Variants in PHLDB3 observed in about 807,000 individuals in gnomAD.
PHLDB3 encodes the protein pleckstrin homology like domain family B member 3.
In PHLDB3, 86 loss-of-function variants were observed where a neutral mutation model predicts 85.7. The observed-to-expected ratio is 1.00, with a 90% CI of 0.84 to 1.20. The LOEUF (loss-of-function observed/expected upper bound fraction) is 1.20, where lower values mean the gene tolerates loss of function less well. PHLDB3 is among the 50% of genes most tolerant of loss of function. PHLDB3 has a pLI of 0.00. For missense variants in PHLDB3, 995 were observed against 873.0 expected (o/e 1.14, Z -1.76); for synonymous variants, 376 against 349.8 (o/e 1.07, Z -0.83).
intron 4 of PHLDB3, 170 bp downstream of exon 4, chr19:43,501,564 G>T: frequency 7.7e-7 from 1 of 1,303,090 alleles, no homozygotes; most frequent in Non-Finnish European, 1.0e-6. Flanking sequence ...ATCTCGCCCA[G>T]GGAGGGAGAA....
intron 13 of PHLDB3, among the ~76,000 whole-genome samples, chr19:43,481,887 G>A (rs2122476737): frequency 6.6e-6 from 1 of 152,074 alleles, no homozygotes; most frequent in African/African-American, 2.4e-5. Flanking sequence ...GTTGGAGACA[G>A]GAGAGTGAGG....
In PHLDB3 at chr19:43,475,469, C is replaced by T; in HGVS notation, c.1864G>A (p.Ala622Thr). The T allele has an allele frequency of 6.2e-7, 1 of 1,613,928 alleles. No individual in the cohort carries two copies. The highest frequency in any genetic ancestry group is 1.1e-5 in the South Asian group (1 of 91,082). ...LFYMVAPSPEAMRIWMDVIVT... is the reference protein window; with the variant it reads ...LFYMVAPSPETMRIWMDVIVT... ...ATGACGTCCATCCAAATGCGCATGG[C>T]TTCGGGGCTCGGAGCCACCATGTAG... The change falls in exon 16 of 16, where the codon GCC (alanine) becomes ACC (threonine). Residue 622 changes from alanine (A) to threonine (T), a missense_variant. Transcript: ENST00000292140.
In PHLDB3 at chr19:43,478,040, G is replaced by A; in HGVS notation, c.1788+7C>T. 1 of 1,606,486 alleles carries A rather than the reference G, an allele frequency of 6.2e-7. No individual in the cohort carries two copies. Among genetic ancestry groups the A allele is most frequent in the Non-Finnish European group, 8.5e-7 (1 of 1,173,488 alleles). Reference sequence around the variant, plus strand: ...TGGGAGGTCAGGGTGACATTGAGGGGCTTCACCTTGAAGGCACAGCGTAAG... The same window carrying A: ...TGGGAGGTCAGGGTGACATTGAGGGACTTCACCTTGAAGGCACAGCGTAAG... On this transcript the variant is annotated splice_region_variant and intron_variant, in intron 15 of 15. Transcript: ENST00000292140.
intron 14 of PHLDB3, among the ~76,000 whole-genome samples, chr19:43,478,874 C>T (rs1384572594): frequency 6.6e-6 from 1 of 152,102 alleles, no homozygotes; most frequent in Non-Finnish European, 1.5e-5. Flanking sequence ...GAGATCGCAC[C>T]ACTGCACTCC....
At position 43,495,501 on chromosome 19, in the gene PHLDB3, C is replaced by A; in HGVS notation, c.945G>T (p.Leu315=). Residue 315 remains leucine, a synonymous_variant, in exon 7 of 16, where the codon CTG becomes CTT. Coordinates refer to ENST00000292140, the MANE Select transcript of PHLDB3 (RefSeq NM_198850.4). The part of the protein sequence containing the change: ...SRKKEEALQA[L]SQERSRLLEL... ...CAGGTGACAGGTAGCTCACCTGTGA[C>A]AGGGCCTGAAGGGCCTCCTCCTTCT... 6.2e-7 allele frequency: 1 copy of A among 1,606,044 alleles called. No homozygotes were observed. Among genetic ancestry groups the A allele is most frequent in the Admixed American group, 1.7e-5 (1 of 58,790 alleles).
intron 9 of PHLDB3, among the ~76,000 whole-genome samples, chr19:43,487,331 T>C (rs892521503): frequency 1.3e-5 from 2 of 151,964 alleles, no homozygotes; most frequent in Non-Finnish European, 2.9e-5. Context: ...TCCCAGCACT[T>C]TGGGAGTCCA....
chr19:43,487,591 A>AGAAAAAAAAAAAAAAAAAAAAAAAAC (rs1555754934), intron 9 of PHLDB3, among the ~76,000 whole-genome samples: 1 of 115,770 alleles, frequency 8.6e-6, no homozygotes, highest in Non-Finnish European at 1.9e-5. Flanking sequence ...AAAAAAAAAA[A>AGAAAAAAAAAAAAAAAAAAAAAAAAC]ACACAGAAAA....
At chr19:43,483,814 A>G (rs934389064) in intron 13 of PHLDB3, among the ~76,000 whole-genome samples, 64 of 152,324 alleles carry the variant, frequency 4.2e-4, no homozygotes, top group African/African-American at 1.5e-3. Flanking sequence ...CTTTGCATAT[A>G]GATTCAAATA....
At chr19:43,498,374 AAGAG>A (rs969334434) in intron 4 of PHLDB3, among the ~76,000 whole-genome samples, 4 of 151,712 alleles carry the variant, frequency 2.6e-5, no homozygotes, top group African/African-American at 4.8e-5. Context: ...AAAAGAAAGA[AAGAG>A]AGAAAGAGGG....
rs765606013 is a variant in PHLDB3, at chr19:43,494,681, CAG to C, written c.1149+19_1149+20del. On this transcript the variant is annotated intron_variant, in intron 9 of 15. Transcript: ENST00000292140. ...CTGACCAATAAGATATATGGGGAAA[CAG>C]AGGCCGTGGGGGAGGCACCTGCAGG... 3.2e-6 allele frequency: 5 copies of C among 1,570,592 alleles called. No homozygotes were observed. Among genetic ancestry groups the C allele is most frequent in the Non-Finnish European group, 4.4e-6 (5 of 1,148,380 alleles).
At chr19:43,494,915 C>A (rs2145931637) in intron 8 of PHLDB3, 100 bp from the exon 9 acceptor site, 2 of 822,062 alleles carry the variant, frequency 2.4e-6, no homozygotes, top group East Asian at 2.7e-5. Context: ...CCACCCATTT[C>A]TCAGAAAGAA....
chr19:43,487,436 A>G (rs1015565362), intron 9 of PHLDB3, among the ~76,000 whole-genome samples: 4 of 151,804 alleles, frequency 2.6e-5, no homozygotes, highest in East Asian at 3.9e-4. Flanking sequence ...TTAGCCGGGC[A>G]TGGTGGCACG....
At chr19:43,499,815 C>G (rs1456463700) in intron 4 of PHLDB3, among the ~76,000 whole-genome samples, 1 of 151,854 alleles carries the variant, frequency 6.6e-6, no homozygotes, top group Non-Finnish European at 1.5e-5. Context: ...CTCCTGGGAG[C>G]TGCAACCTCC....
chr19:43,496,933 A>AAT, intron 6 of PHLDB3, 185 bp downstream of exon 6: 1 of 907,634 alleles, frequency 1.1e-6, no homozygotes, highest in East Asian at 3.3e-5. Flanking sequence ...TCAGTGAGGA[A>AAT]ATGCTCATGA....
chr19:43,486,738 G>A (rs1321951731), intron 11 of PHLDB3, 42 bp from the exon 12 acceptor site: 1 of 1,612,250 alleles, frequency 6.2e-7, no homozygotes, highest in South Asian at 1.1e-5. Flanking sequence ...ACAGTGGCTG[G>A]GCCTCTTCTT....
At chr19:43,488,247 G>A (rs1387036345) in intron 9 of PHLDB3, among the ~76,000 whole-genome samples, 1 of 151,986 alleles carries the variant, frequency 6.6e-6, no homozygotes, top group Non-Finnish European at 1.5e-5. Flanking sequence ...CTTGAGCCCA[G>A]GAGTTGGAGA....
rs918861509 is a variant in PHLDB3 at position 43,504,231 on chromosome 19, G to A, written c.-14-99C>T. 2.7e-6 allele frequency: 3 copies of A among 1,107,532 alleles called. No homozygotes were observed. In the African/African-American group the frequency reaches 4.8e-5, roughly 18 times the overall value. The allele number at this position is 1,107,532 out of a possible 1,614,324, so 68.6% of individuals were successfully genotyped here. ...GGGCGCGGAGACCCCCCCCCAAGGA[G>A]GCGGGGCCTAAGAGTTCAAAGGATG... On this transcript the variant is annotated intron_variant, in intron 1 of 15. Transcript: ENST00000292140.
Position 43,501,741 on chromosome 19 carries a change from C to A in PHLDB3, c.527G>T (p.Arg176Leu). ...CCGGTGAGCCAAACAGACCTGTTCC[C>A]GCTGCTGGCGGCCGCGCTGCTCCGA... is the stretch of plus-strand genomic sequence containing the variant. Reference protein sequence around the residue: ...AASEQRGRQQREQEQRRLSQE... With the variant: ...AASEQRGRQQLEQEQRRLSQE... The change falls in exon 4 of 16, where the codon CGG becomes CTG. Residue 176 changes from arginine to leucine, a missense_variant. Arg to Leu is a moderately radical substitution (Grantham distance 102, BLOSUM62 -2). Coordinates refer to ENST00000292140, the MANE Select transcript of PHLDB3 (RefSeq NM_198850.4). 1 of 1,584,014 alleles carries A rather than the reference C, an allele frequency of 6.3e-7. No individual in the cohort carries two copies. Among genetic ancestry groups the A allele is most frequent in the East Asian group, 2.3e-5 (1 of 43,570 alleles).
At chr19:43,503,765 A>T (rs933306331) in intron 2 of PHLDB3, 141 bp downstream of exon 2, 1 of 898,600 alleles carries the variant, frequency 1.1e-6, no homozygotes, top group Non-Finnish European at 1.7e-6. Context: ...CTCTCTCAGT[A>T]GTCTCTGCTA....
Sources: gnomAD v4.1 joint callset for allele counts (sites outside exome capture counted in the v4.1 genomes callset) on GRCh38, gnomAD v4.1.1 for gene constraint, MANE v1.5 for transcripts, NCBI Gene and HGNC (gene_info 2026-07-23, HGNC 2026-07-21) for gene names.